KIF5B: variants seen among roughly 807,000 people sequenced by gnomAD.
KIF5B encodes kinesin family member 5B.
In KIF5B, 49 loss-of-function variants were observed where a neutral mutation model predicts 132.8. The observed-to-expected ratio is 0.37, with a 90% confidence interval of 0.29 to 0.47. KIF5B has a LOEUF of 0.47. KIF5B is among the 20% of genes least tolerant of loss of function. The pLI is 1.00. For missense variants in KIF5B, 780 were observed against 1,144.0 expected, an observed-to-expected ratio of 0.68 and a Z score of 4.59; for synonymous variants, 355 against 369.4, an observed-to-expected ratio of 0.96 and a Z score of 0.45.
chr10:32,037,450 ATAAT>A, intron 7 of KIF5B, 66 bp downstream of exon 7: 2 of 1,590,862 alleles, frequency 1.3e-6, no homozygotes, highest in African/African-American at 1.3e-5. Context: ...AAGCAATCTT[ATAAT>A]TAATCACCTG....
At chr10:32,018,465 T>A (rs376366041) in intron 21 of KIF5B, 37 bp downstream of exon 21, 1 of 1,593,190 alleles carries the variant, frequency 6.3e-7, no homozygotes, top group Non-Finnish European at 8.5e-7. Context: ...ACCCACAAAA[T>A]ATTTCCCAAT....
intron 12 of KIF5B, 143 bp from the exon 13 acceptor site, chr10:32,032,917 TA>T: frequency 1.5e-6 from 1 of 660,732 alleles, no homozygotes; most frequent in Non-Finnish European, 2.6e-6. Flanking sequence ...TAATCTCTTT[TA>T]AGAAAATGGC....
At chr10:32,036,036 T>A (rs977596285) in intron 8 of KIF5B, 42 bp from the exon 9 acceptor site, 1 of 1,337,114 alleles carries the variant, frequency 7.5e-7, no homozygotes, top group South Asian at 1.4e-5. Flanking sequence ...AATTACAAGT[T>A]TATAATTTTC....
Position 32,032,744 on chromosome 10 carries a change from C to T in KIF5B, c.1336G>A (p.Val446Ile), listed in dbSNP as rs376014102. 6.2e-7 allele frequency: 1 copy of T among 1,613,986 alleles called. No individual in the cohort carries two copies. The highest frequency in any genetic ancestry group is 2.2e-5 in the East Asian group (1 of 44,844). The change falls in exon 13 of 26, where the codon GTA becomes ATA. Residue 446 changes from valine to isoleucine, a missense_variant. Around this residue, in one of 9 missense-constraint regions of KIF5B, gnomAD observed 471 missense variants for 569.9 expected, o/e 0.83. Coordinates refer to ENST00000302418, the MANE Select transcript of KIF5B (RefSeq NM_004521.3). Reference protein sequence around the residue: ...DEEINQQSQLVEKLKTQMLDQ... With the variant: ...DEEINQQSQLIEKLKTQMLDQ... ...AACATTTGCGTCTTCAGTTTCTCTA[C>T]CAGTTGACTTTGCTGGTTAATTTCT... is the stretch of plus-strand genomic sequence containing the variant.
At chr10:32,014,305 C>T (rs1395511298) in intron 25 of KIF5B, among the ~76,000 whole-genome samples, 1 of 151,884 alleles carries the variant, frequency 6.6e-6, no homozygotes, top group Non-Finnish European at 1.5e-5. Context: ...GCAGGAGAAT[C>T]GCTTCAACCT....
In KIF5B at chr10:32,039,425, G is replaced by GT. The variant is rs1452094114; in HGVS notation, c.294dup (p.Leu99ThrfsTer3). On this transcript the variant is annotated frameshift_variant, in exon 4 of 26. Transcript: ENST00000302418. LOFTEE classifies it high-confidence loss of function. ...ATTCCCATGCCTTCTGGATCATGAA[G>GT]TTTACCCTAAACAAAAAACAAAACT... is the stretch of plus-strand genomic sequence containing the variant. 1 of 1,453,784 alleles carries GT rather than the reference G, an allele frequency of 6.9e-7. No homozygotes were observed. Among genetic ancestry groups the GT allele is most frequent in the Non-Finnish European group, 9.4e-7 (1 of 1,066,158 alleles). The allele number at this position is 1,453,784 out of a possible 1,614,324, so 90.1% of individuals were successfully genotyped here. A position where few individuals can be genotyped will look rare whatever the true frequency, so the allele number is the denominator to read the frequency against.
rs754954985 is a variant in KIF5B, at chr10:32,037,501, A to T, written c.586+19T>A. The T allele has an allele frequency of 3.1e-6, 5 of 1,597,730 alleles. No homozygotes were observed. In the East Asian group the frequency reaches 1.1e-4, roughly 36 times the overall value. Reference sequence around the variant, plus strand: ...TTTAAGCTGGTTTTAAATCCTAACCAGTGTTATTTTCTACTTACTTGTAAC... The same window carrying T: ...TTTAAGCTGGTTTTAAATCCTAACCTGTGTTATTTTCTACTTACTTGTAAC... On this transcript the variant is annotated intron_variant, in intron 7 of 25. Transcript: ENST00000302418.
chr10:32,013,342 G>A (rs1841110904), intron 25 of KIF5B, among the ~76,000 whole-genome samples: 1 of 152,214 alleles, frequency 6.6e-6, no homozygotes, highest in Non-Finnish European at 1.5e-5. Flanking sequence ...TATTATCTAT[G>A]ACATAACTTT....
intron 3 of KIF5B, among the ~76,000 whole-genome samples, chr10:32,040,131 T>C (rs1306420910): frequency 2.0e-5 from 3 of 152,230 alleles, no homozygotes; most frequent in Non-Finnish European, 4.4e-5. Flanking sequence ...AATTCTTGTC[T>C]AAAATGTTAT....
At chr10:32,033,413 G>A (rs906530173) in intron 12 of KIF5B, among the ~76,000 whole-genome samples, 11 of 152,176 alleles carry the variant, frequency 7.2e-5, no homozygotes, top group Admixed American at 1.3e-4. Context: ...ATCATTAAGA[G>A]CGCGAACTCT....
intron 2 of KIF5B, among the ~76,000 whole-genome samples, chr10:32,047,066 C>A (rs114150056): frequency 1.3e-5 from 2 of 152,106 alleles, no homozygotes; most frequent in African/African-American, 4.8e-5. Context: ...AAGTGAAAAA[C>A]AGAATGGTTG....
chr10:32,014,249 G>C (rs557515431), intron 25 of KIF5B, among the ~76,000 whole-genome samples: 1 of 152,076 alleles, frequency 6.6e-6, no homozygotes, highest in African/African-American at 2.4e-5. Flanking sequence ...AAAATTAGCC[G>C]GTGTGGTGGT....
intron 2 of KIF5B, among the ~76,000 whole-genome samples, chr10:32,043,593 T>A (rs1489416947): frequency 6.6e-6 from 1 of 152,166 alleles, no homozygotes; most frequent in African/African-American, 2.4e-5. Context: ...AAAGACCTGA[T>A]GAGATGCTTA....
At chr10:32,037,851 C>T (rs753218831) in intron 6 of KIF5B, among the ~76,000 whole-genome samples, 8 of 152,026 alleles carry the variant, frequency 5.3e-5, no homozygotes, top group Non-Finnish European at 1.0e-4. Context: ...TTGGCTCACG[C>T]CTGTAATCCC....
At position 32,022,173 on chromosome 10, in the gene KIF5B, G is replaced by A. The variant is rs1394990825; in HGVS notation, c.1999C>T (p.Leu667Phe). Reference sequence around the variant, plus strand: ...CGAAGCTGGACTAGTTCTTCACTGAGGGCATCGACAGATTCCTCCAACTGT... The same window carrying A: ...CGAAGCTGGACTAGTTCTTCACTGAAGGCATCGACAGATTCCTCCAACTGT... ...KRQLEESVDALSEELVQLRAQ... is the reference protein window; with the variant it reads ...KRQLEESVDAFSEELVQLRAQ... Residue 667 changes from leucine to phenylalanine, a missense_variant, in exon 17 of 26, where the codon CTC becomes TTC. By Grantham distance (22) the Leu-to-Phe change is conservative. Around this residue, in one of 9 missense-constraint regions of KIF5B, gnomAD observed 471 missense variants for 569.9 expected, o/e 0.83. Coordinates refer to ENST00000302418, the MANE Select transcript of KIF5B (RefSeq NM_004521.3). 2 of 1,609,974 alleles carry A rather than the reference G, an allele frequency of 1.2e-6. No homozygotes were observed. Among genetic ancestry groups the A allele is most frequent in the Non-Finnish European group, 1.7e-6 (2 of 1,176,600 alleles).
intron 17 of KIF5B, 45 bp from the exon 18 acceptor site, chr10:32,021,332 G>C (rs764888348): frequency 6.4e-6 from 9 of 1,397,914 alleles, no homozygotes; most frequent in African/African-American, 2.8e-5. Flanking sequence ...AAGCCTTTAA[G>C]GTTCCTCATA....
intron 17 of KIF5B, 65 bp from the exon 18 acceptor site, chr10:32,021,352 G>A (rs1841256416): frequency 8.8e-7 from 1 of 1,138,888 alleles, no homozygotes. Flanking sequence ...ATAAACCAAG[G>A]AGCAAATGGA....
At chr10:32,040,658 C>G (rs1304690301) in intron 2 of KIF5B, among the ~76,000 whole-genome samples, 1 of 95,212 alleles carries the variant, frequency 1.1e-5, no homozygotes, top group East Asian at 2.0e-4. Context: ...CACACACACA[C>G]CCTCTTCCTA....
At chr10:32,033,344 G>T (rs935843281) in intron 12 of KIF5B, among the ~76,000 whole-genome samples, 1 of 152,212 alleles carries the variant, frequency 6.6e-6, no homozygotes, top group East Asian at 1.9e-4. Flanking sequence ...ACAGCAGGAG[G>T]TGAGCAGCAA....
Sources: gnomAD v4.1 joint callset for allele counts (sites outside exome capture counted in the v4.1 genomes callset) on GRCh38, gnomAD v4.1.1 for gene constraint, gnomAD v4.1.1 regional missense constraint, MANE v1.5 for transcripts, NCBI Gene and HGNC (gene_info 2026-07-23, HGNC 2026-07-21) for gene names.